GALNT9: variants seen among roughly 807,000 people sequenced by gnomAD.
GALNT9 encodes the protein GalNAc transferase 9.
Under a neutral mutation model 63.1 loss-of-function variants are expected in GALNT9, and 47 were observed. That is an observed-to-expected ratio of 0.75 (90% CI 0.59 to 0.95). The LOEUF (loss-of-function observed/expected upper bound fraction) is 0.95, where lower values mean the gene tolerates loss of function less well. Ranked by LOEUF, GALNT9 falls within the 40% of genes least tolerant of loss-of-function variation. The pLI, the probability that GALNT9 is intolerant of heterozygous loss-of-function variation, is 0.00. For synonymous variants in GALNT9, 396 were observed against 365.7 expected (o/e 1.08, Z -0.94); for missense variants, 829 against 874.8 (o/e 0.95, Z 0.66).
chr12:132,231,059 T>A (rs879141848), intron 6 of GALNT9, among the ~76,000 whole-genome samples: 3 of 41,476 alleles, frequency 7.2e-5, no homozygotes, highest in South Asian at 1.6e-3. Context: ...CAGCGTGGAG[T>A]CCCTAGTGCC....
chr12:132,251,391 C>T (rs988401641), intron 5 of GALNT9, among the ~76,000 whole-genome samples: 8 of 152,170 alleles, frequency 5.3e-5, no homozygotes, highest in African/African-American at 9.7e-5. Flanking sequence ...TGAAACAGGC[C>T]GGTGCTCTGC....
At chr12:132,290,260 G>A (rs2135565365) in intron 1 of GALNT9, among the ~76,000 whole-genome samples, 1 of 152,234 alleles carries the variant, frequency 6.6e-6, no homozygotes, top group East Asian at 1.9e-4. Flanking sequence ...ACCACACACA[G>A]AGCCCCCATC....
chr12:132,288,470 G>T (rs531807589), intron 1 of GALNT9, among the ~76,000 whole-genome samples: 1 of 152,266 alleles, frequency 6.6e-6, no homozygotes, highest in Non-Finnish European at 1.5e-5. Context: ...ACTTTGGAAA[G>T]TCTGGAATTG....
chr12:132,312,481 C>T (rs558800272), intron 1 of GALNT9, among the ~76,000 whole-genome samples: 3 of 152,344 alleles, frequency 2.0e-5, no homozygotes, highest in South Asian at 2.1e-4. Flanking sequence ...CTGAGAGAAG[C>T]TGCTGAGAGG....
Position 132,316,231 on chromosome 12 carries a change from C to A in GALNT9, c.238+12735G>T, listed in dbSNP as rs574010641. Reference sequence around the variant, plus strand: ...GCATGAAGCTGGATCACAGTCAGTGCCTGCCCCGGGCCCCGACCTGCAAAG... The same window carrying A: ...GCATGAAGCTGGATCACAGTCAGTGACTGCCCCGGGCCCCGACCTGCAAAG... On this transcript the variant is annotated intron_variant, in intron 1 of 10. Coordinates refer to ENST00000328957, the MANE Select transcript of GALNT9 (RefSeq NM_001122636.2). This position sits in a 1 kb window ranked among gnomAD's most constrained non-coding sequence, Gnocchi z 4.3. Among the ~76,000 whole-genome samples, 12 of 152,196 alleles carry A rather than the reference C, an allele frequency of 7.9e-5. No individual in the cohort carries two copies. In the East Asian group the frequency reaches 1.5e-3, roughly 20 times the overall value.
At chr12:132,225,982 C>A (rs1286009309) in intron 6 of GALNT9, among the ~76,000 whole-genome samples, 1 of 147,926 alleles carries the variant, frequency 6.8e-6, no homozygotes, top group Non-Finnish European at 1.5e-5. Context: ...TGTACACACC[C>A]CACACACATA....
At chr12:132,277,131 T>C (rs987074942) in intron 2 of GALNT9, 9 of 153,856 alleles carry the variant, frequency 5.8e-5, no homozygotes, top group African/African-American at 1.9e-4. Flanking sequence ...GCCGGGATAG[T>C]TGGCCTCTGA....
chr12:132,259,346 C>T (rs566410340), intron 4 of GALNT9, among the ~76,000 whole-genome samples: 1 of 152,356 alleles, frequency 6.6e-6, no homozygotes, highest in East Asian at 1.9e-4. Flanking sequence ...TAAAAGGCTG[C>T]CGGTGTAGTT....
At chr12:132,306,617 C>T (rs1881624625) in intron 1 of GALNT9, among the ~76,000 whole-genome samples, 1 of 152,208 alleles carries the variant, frequency 6.6e-6, no homozygotes, top group Non-Finnish European at 1.5e-5. Context: ...GACGGAGTGC[C>T]ATGGGGCACC....
chr12:132,329,138 G>A lies in GALNT9; in HGVS notation c.66C>T (p.Val22=). The A allele has an allele frequency of 6.5e-7, 1 of 1,549,580 alleles. No individual in the cohort carries two copies. The highest frequency in any genetic ancestry group is 8.7e-7 in the Non-Finnish European group (1 of 1,146,518). ...GCAGGCGGCAGTACACGGAGAACAG[G>A]ACGATGCCCACGAACACCAGGATGT... The part of the protein sequence containing the change: ...TVNILVFVGI[V]LFSVYCRLQG... Residue 22 remains valine (V), a synonymous_variant, in exon 1 of 11, where the codon GTC becomes GTT. Coordinates refer to ENST00000328957, the MANE Select transcript of GALNT9 (RefSeq NM_001122636.2).
At chr12:132,311,813 C>T (rs56300404) in intron 1 of GALNT9, among the ~76,000 whole-genome samples, 34,982 of 152,140 alleles carry the variant, frequency 0.23, 4,159 homozygotes, top group East Asian at 0.34. Flanking sequence ...TGGCTGTCCA[C>T]TTCAGGGAGT....
rs529667487 is a variant in GALNT9 at position 132,207,882 on chromosome 12, CA to C, written c.1078-4193del. Among the ~76,000 whole-genome samples, 27 of 152,270 alleles carry C rather than the reference CA, an allele frequency of 1.8e-4. No individual in the cohort carries two copies. In the East Asian group the frequency reaches 4.8e-3, roughly 27 times the overall value. ...AGCAACATCCCCTTTCCAATCCCTG[CA>C]AAACAGGGAAAGAACAAGACAGCCC... is the stretch of plus-strand genomic sequence containing the variant. On this transcript the variant is annotated intron_variant, in intron 6 of 10. Transcript: ENST00000328957.
chr12:132,211,809 G>A (rs1393699619), intron 6 of GALNT9, among the ~76,000 whole-genome samples: 1 of 152,232 alleles, frequency 6.6e-6, no homozygotes, highest in Non-Finnish European at 1.5e-5. Flanking sequence ...GCCAGCACCT[G>A]AGGCAGCCAG....
In GALNT9 at chr12:132,327,874, C is replaced by T. The variant is rs1197885804; in HGVS notation, c.238+1092G>A. Among the ~76,000 whole-genome samples the T allele has an allele frequency of 6.8e-6, 1 of 147,194 alleles. No homozygotes were observed. Among genetic ancestry groups the T allele is most frequent in the Non-Finnish European group, 1.5e-5 (1 of 67,202 alleles). On this transcript the variant is annotated intron_variant, in intron 1 of 10. Coordinates refer to ENST00000328957, the MANE Select transcript of GALNT9 (RefSeq NM_001122636.2). The surrounding 1 kb of genome is among the most constrained non-coding windows in gnomAD (Gnocchi z 4.3). ...GAGAGGGTGTGGCTCCTGAAGGAAACGCAAGACCACCCCCCGCCTTTGCCC... is the reference window on the plus strand; with the variant it reads ...GAGAGGGTGTGGCTCCTGAAGGAAATGCAAGACCACCCCCCGCCTTTGCCC...
At chr12:132,208,429 A>G (rs962701504) in intron 6 of GALNT9, among the ~76,000 whole-genome samples, 1 of 152,214 alleles carries the variant, frequency 6.6e-6, no homozygotes, top group Non-Finnish European at 1.5e-5. Context: ...CCCCACTGAG[A>G]GGGGGACGCT....
At position 132,197,883 on chromosome 12, in the gene GALNT9, C is replaced by T. The variant is rs757622908; in HGVS notation, c.1574G>A (p.Cys525Tyr). 1.6e-5 allele frequency: 26 copies of T among 1,611,774 alleles called. No individual in the cohort carries two copies. The highest frequency in any genetic ancestry group is 2.0e-5 in the Non-Finnish European group (24 of 1,179,480). Residue 525 changes from cysteine to tyrosine, a missense_variant, in exon 10 of 11, where the codon TGT becomes TAT. By Grantham distance (194) the Cys-to-Tyr change is radical (BLOSUM62 -2). Transcript: ENST00000328957. The part of the protein sequence containing the change: ...GSTAFLPDSK[C>Y]LVDDGTGRMP... ...GCGGCCCGTGCCGTCATCCACCAGA[C>T]ACTTGGAGTCAGGCAAGAAGGCTGT...
chr12:132,221,326 C>T (rs1877435533), intron 6 of GALNT9, among the ~76,000 whole-genome samples: 1 of 119,624 alleles, frequency 8.4e-6, no homozygotes, highest in Admixed American at 1.1e-4. Flanking sequence ...GCACTCCAGC[C>T]TGGCGACAGA....
chr12:132,257,713 C>T lies in GALNT9; in HGVS notation c.935G>A (p.Arg312His), dbSNP rs1330726359. 18 of 1,550,016 alleles carry T rather than the reference C, an allele frequency of 1.2e-5. No individual in the cohort carries two copies. Among genetic ancestry groups the T allele is most frequent in the South Asian group, 3.6e-5 (3 of 84,044 alleles). Residue 312 changes from arginine (R) to histidine (H), a missense_variant, in exon 5 of 11, where the codon CGC becomes CAC. By Grantham distance (29) the Arg-to-His change is conservative. Transcript: ENST00000328957. ...YIIPPQDWLD[R>H]GDESAPIRTP... ...CCTGATGGGTGCTGACTCGTCGCCG[C>T]GGTCCAGCCAGTCCTGCGGGGGGAT...
intron 6 of GALNT9, among the ~76,000 whole-genome samples, chr12:132,227,400 A>T (rs1877736046): frequency 3.3e-5 from 5 of 152,102 alleles, no homozygotes; most frequent in Admixed American, 2.6e-4. Context: ...GCTCCCTCCG[A>T]AGCGTGTGCC....
Sources: gnomAD v4.1 joint callset for allele counts (sites outside exome capture counted in the v4.1 genomes callset) on GRCh38, gnomAD v4.1.1 for gene constraint, Gnocchi (gnomAD v3.1) non-coding constraint, MANE v1.5 for transcripts, NCBI Gene and HGNC (gene_info 2026-07-23, HGNC 2026-07-21) for gene names.